The following SLC10A7 variants were observed in gnomAD, a reference collection of about 807,000 sequenced individuals.
SLC10A7 encodes the protein sodium/bile acid cotransporter 7.
SLC10A7 carries 29 observed loss-of-function variants against 43.2 expected under a neutral mutation model. The observed-to-expected ratio is 0.67, with a 90% confidence interval of 0.50 to 0.92. SLC10A7 has a LOEUF of 0.92. Ranked by LOEUF, SLC10A7 falls within the 40% of genes least tolerant of loss-of-function variation. The probability of loss-of-function intolerance (pLI) is 0.00; values close to 1 mark genes in which losing one functional copy is unlikely to be tolerated. For synonymous variants in SLC10A7, 152 were observed against 144.8 expected (o/e 1.05, Z -0.35); for missense variants, 295 against 403.2 (o/e 0.73, Z 2.30).
chr4:146,293,626 T>G, intron 8 of SLC10A7, among the ~76,000 whole-genome samples: 1 of 152,176 alleles, frequency 6.6e-6, no homozygotes, highest in Non-Finnish European at 1.5e-5. Context: ...TAAACTAAAT[T>G]GGTGACACAG....
chr4:146,459,716 C>T (rs1732374292), intron 4 of SLC10A7, among the ~76,000 whole-genome samples: 1 of 151,606 alleles, frequency 6.6e-6, no homozygotes, highest in Non-Finnish European at 1.5e-5. Context: ...ATCTATAAAA[C>T]TTTCAGAACA....
At chr4:146,436,032 T>A (rs1730182869) in intron 5 of SLC10A7, among the ~76,000 whole-genome samples, 1 of 151,832 alleles carries the variant, frequency 6.6e-6, no homozygotes, top group African/African-American at 2.4e-5. Flanking sequence ...TAAATGGTAA[T>A]GAAATCATTG....
chr4:146,428,282 T>C (rs1387753471), intron 5 of SLC10A7, among the ~76,000 whole-genome samples: 3 of 152,234 alleles, frequency 2.0e-5, no homozygotes, highest in Admixed American at 6.5e-5. Context: ...CTCTTCTCCA[T>C]TACATGGAGA....
intron 4 of SLC10A7, among the ~76,000 whole-genome samples, chr4:146,449,904 A>G (rs757076716): frequency 2.0e-5 from 3 of 152,200 alleles, no homozygotes; most frequent in Non-Finnish European, 4.4e-5. Flanking sequence ...CCTAATTACC[A>G]AAGATATGAC....
At chr4:146,408,085 C>T (rs1349916861) in intron 5 of SLC10A7, among the ~76,000 whole-genome samples, 1 of 152,174 alleles carries the variant, frequency 6.6e-6, no homozygotes, top group Non-Finnish European at 1.5e-5. Context: ...TAGGGAAAGT[C>T]AGCTGAGAGC....
At chr4:146,360,422 C>T (rs1449540703) in intron 5 of SLC10A7, among the ~76,000 whole-genome samples, 1 of 151,876 alleles carries the variant, frequency 6.6e-6, no homozygotes, top group Non-Finnish European at 1.5e-5. Flanking sequence ...GCACTATATT[C>T]CTCTTTCCTT....
intron 10 of SLC10A7, among the ~76,000 whole-genome samples, chr4:146,267,300 T>C (rs73855121): frequency 0.012 from 1,785 of 152,230 alleles, 51 homozygotes; most frequent in East Asian, 0.085. Context: ...TAGCCTACAG[T>C]GTGGCTTTTT....
intron 4 of SLC10A7, among the ~76,000 whole-genome samples, chr4:146,448,266 A>G (rs971967791): frequency 9.9e-5 from 15 of 152,086 alleles, no homozygotes; most frequent in African/African-American, 3.4e-4. Flanking sequence ...ACTTAAAAAA[A>G]TGGGGAAAAA....
At chr4:146,276,374 A>G (rs528439324) in intron 10 of SLC10A7, among the ~76,000 whole-genome samples, 8 of 152,254 alleles carry the variant, frequency 5.3e-5, no homozygotes, top group Non-Finnish European at 7.4e-5. Context: ...AGTCTAAACT[A>G]ACAAGTACAT....
At chr4:146,285,036 T>G (rs946960200) in intron 9 of SLC10A7, among the ~76,000 whole-genome samples, 4 of 152,152 alleles carry the variant, frequency 2.6e-5, no homozygotes, top group Non-Finnish European at 5.9e-5. Flanking sequence ...GATTTAGATA[T>G]GTGCAGATGT....
At chr4:146,506,513 G>A (rs1046722686) in intron 3 of SLC10A7, among the ~76,000 whole-genome samples, 32 of 152,244 alleles carry the variant, frequency 2.1e-4, no homozygotes, top group African/African-American at 7.2e-4. Flanking sequence ...CATGGCCCCA[G>A]AGACCATTCT....
At chr4:146,425,070 A>G (rs1729241904) in intron 5 of SLC10A7, among the ~76,000 whole-genome samples, 1 of 152,236 alleles carries the variant, frequency 6.6e-6, no homozygotes, top group South Asian at 2.1e-4. Context: ...GCACTTTTCA[A>G]TAAGAAAAAT....
intron 10 of SLC10A7, among the ~76,000 whole-genome samples, chr4:146,261,302 T>C (rs78063977): frequency 0.025 from 3,749 of 152,270 alleles, 79 homozygotes; most frequent in Non-Finnish European, 0.035. Context: ...CTATAACTCA[T>C]CATGCCCCTG....
chr4:146,273,716 G>T (rs1156975875), intron 10 of SLC10A7, among the ~76,000 whole-genome samples: 3 of 152,112 alleles, frequency 2.0e-5, no homozygotes, highest in Admixed American at 6.6e-5. Context: ...GGAGGGGCTT[G>T]TCACTGAGAT....
Position 146,521,483 on chromosome 4 carries a change from A to G in SLC10A7, c.100+135T>C, listed in dbSNP as rs189668431. ...GGGGTTGGTAAATTAGAAAATCAGC[A>G]AAAGGGCCAAAGGCTGGTCAGTGCC... is the stretch of plus-strand genomic sequence containing the variant. On this transcript the variant is annotated intron_variant, in intron 1 of 11. Coordinates refer to ENST00000335472, the MANE Select transcript of SLC10A7 (RefSeq NM_001029998.6). 33 of 682,604 alleles carry G rather than the reference A, an allele frequency of 4.8e-5. 1 individual carries two copies. The East Asian group carries it at 9.1e-4, about 19-fold the overall frequency. The allele number at this position is 682,604 out of a possible 1,614,324, so 42.3% of individuals were successfully genotyped here. A position where few individuals can be genotyped will look rare whatever the true frequency, so the allele number is the denominator to read the frequency against.
chr4:146,515,234 G>C (rs1030814282), intron 2 of SLC10A7: 3 of 695,752 alleles, frequency 4.3e-6, no homozygotes, highest in Admixed American at 4.1e-5. Context: ...GCCACCAGGG[G>C]ACATAGAGCA....
In SLC10A7 at chr4:146,442,646, G is replaced by T. The variant is rs138439910; in HGVS notation, c.435+137C>A. ...ATTAACTACTTTTCTTCAGGGTATG[G>T]ATACTGGCACATGAAAAGATTCAAC... On this transcript the variant is annotated intron_variant, in intron 5 of 11. Transcript: ENST00000335472. The T allele has an allele frequency of 2.5e-4, 368 of 1,498,938 alleles. 3 individuals carry two copies. The African/African-American group carries it at 2.5e-3, about 10-fold the overall frequency. 92.9% of individuals were successfully genotyped at this position (1,498,938 alleles called of 1,614,324 possible).
chr4:146,471,709 T>G (rs564440692), intron 4 of SLC10A7, among the ~76,000 whole-genome samples: 1 of 152,316 alleles, frequency 6.6e-6, no homozygotes, highest in African/African-American at 2.4e-5. Context: ...TTTATATGCT[T>G]TATCTTTCCA....
intron 4 of SLC10A7, among the ~76,000 whole-genome samples, chr4:146,455,681 A>G (rs1475335849): frequency 6.6e-6 from 1 of 151,896 alleles, no homozygotes; most frequent in Non-Finnish European, 1.5e-5. Flanking sequence ...GACTTCGCAG[A>G]TCATCTCATC....
Sources: gnomAD v4.1 joint callset for allele counts (sites outside exome capture counted in the v4.1 genomes callset) on GRCh38, gnomAD v4.1.1 for gene constraint, MANE v1.5 for transcripts, NCBI Gene and HGNC (gene_info 2026-07-23, HGNC 2026-07-21) for gene names.